Variants in STARD13 observed in about 807,000 individuals in gnomAD.
STARD13 encodes the protein stAR-related lipid transfer protein 13.
Under a neutral mutation model 106.4 loss-of-function variants are expected in STARD13, and 62 were observed. The ratio of observed to expected loss-of-function variants is 0.58; its 90% CI spans 0.48 to 0.72. The LOEUF (loss-of-function observed/expected upper bound fraction) is 0.72. Ranked by LOEUF, STARD13 falls within the 30% of genes least tolerant of loss-of-function variation. STARD13 has a pLI of 0.00. For synonymous variants in STARD13, 565 were observed against 553.0 expected (o/e 1.02, Z -0.31); for missense variants, 1,387 against 1,424.0 (o/e 0.97, Z 0.42).
chr13:33,506,763 G>C, the STARD13 span, among the ~76,000 whole-genome samples: 1 of 152,168 alleles, frequency 6.6e-6, no homozygotes, highest in Non-Finnish European at 1.5e-5. Context: ...ATTACCACTT[G>C]TTGAGTTTTG....
intron 1 of STARD13, among the ~76,000 whole-genome samples, chr13:33,306,069 T>G (rs1168712138): frequency 6.6e-6 from 1 of 152,110 alleles, no homozygotes; most frequent in African/African-American, 2.4e-5. Context: ...CTACCTGACT[T>G]CAAACTATAC....
chr13:33,142,569 T>C (rs1879978986), intron 3 of STARD13, among the ~76,000 whole-genome samples, 196 bp from the exon 4 acceptor site: 1 of 152,194 alleles, frequency 6.6e-6, no homozygotes, highest in South Asian at 2.1e-4. Flanking sequence ...CTGAGAGGAC[T>C]CTACCACTAA....
the STARD13 span, among the ~76,000 whole-genome samples, chr13:33,615,799 G>T: frequency 2.0e-5 from 3 of 152,110 alleles, no homozygotes; most frequent in Middle Eastern, 3.2e-3. Context: ...CTTTCAGTGT[G>T]GTTTGTGTTT....
At chr13:33,579,132 C>T in the STARD13 span, among the ~76,000 whole-genome samples, 1 of 152,068 alleles carries the variant, frequency 6.6e-6, no homozygotes, top group South Asian at 2.1e-4. Context: ...ACCATTTGAC[C>T]CAGAAATCCC....
chr13:33,128,570 G>A (rs576552), intron 5 of STARD13, among the ~76,000 whole-genome samples: 16,618 of 152,144 alleles, frequency 0.11, 1,176 homozygotes, highest in African/African-American at 0.19. Context: ...TTTGATGAAC[G>A]CATCACAGGA....
chr13:33,533,984 T>TA, the STARD13 span, among the ~76,000 whole-genome samples: 1 of 152,220 alleles, frequency 6.6e-6, no homozygotes, highest in Non-Finnish European at 1.5e-5. Context: ...ATACTTACTT[T>TA]ATGTTCATCA....
chr13:33,425,438 T>C, the STARD13 span, among the ~76,000 whole-genome samples: 1 of 152,196 alleles, frequency 6.6e-6, no homozygotes, highest in Non-Finnish European at 1.5e-5. Context: ...CAGGGTGCTC[T>C]TTCTCTCTAA....
In STARD13 at chr13:33,313,860, CTCA is replaced by C. The variant is rs1893231534; in HGVS notation, c.124+36427_124+36429del. ...CTCTTACTTTTGCCTAGCAAAACAA[CTCA>C]TCATCGTCTTTTCCCAAGCATTTAC... is the stretch of plus-strand genomic sequence containing the variant. On this transcript the variant is annotated intron_variant, in intron 1 of 5. Coordinates refer to the STARD13 transcript ENST00000567873. Among the ~76,000 whole-genome samples, 3 of 152,186 alleles carry C rather than the reference CTCA, an allele frequency of 2.0e-5. No individual in the cohort carries two copies. The East Asian group carries it at 5.8e-4, about 29-fold the overall frequency.
chr13:33,454,479 G>A, the STARD13 span, among the ~76,000 whole-genome samples: 1 of 152,078 alleles, frequency 6.6e-6, no homozygotes, highest in Non-Finnish European at 1.5e-5. Context: ...CACTATTTTA[G>A]TTTTGCTTTA....
At chr13:33,618,354 G>A in the STARD13 span, among the ~76,000 whole-genome samples, 1 of 152,194 alleles carries the variant, frequency 6.6e-6, no homozygotes. Flanking sequence ...CATGGAACTT[G>A]CATTTTAGTG....
chr13:33,675,005 G>A, the STARD13 span, among the ~76,000 whole-genome samples: 1 of 152,196 alleles, frequency 6.6e-6, no homozygotes, highest in South Asian at 2.1e-4. Flanking sequence ...CAAGCCCACT[G>A]CTATTCTTCA....
the STARD13 span, among the ~76,000 whole-genome samples, chr13:33,659,515 A>G: frequency 6.6e-6 from 1 of 152,170 alleles, no homozygotes; most frequent in Non-Finnish European, 1.5e-5. Flanking sequence ...CTCCCAGCCA[A>G]CCTGTGGCTT....
the STARD13 span, among the ~76,000 whole-genome samples, chr13:33,496,543 T>C: frequency 6.6e-6 from 1 of 152,026 alleles, no homozygotes; most frequent in Non-Finnish European, 1.5e-5. Flanking sequence ...TTCTTATACA[T>C]GTTATAAAAA....
the STARD13 span, among the ~76,000 whole-genome samples, chr13:33,381,393 C>T: frequency 6.6e-6 from 1 of 152,158 alleles, no homozygotes; most frequent in South Asian, 2.1e-4. Flanking sequence ...TGGGCACATA[C>T]ATTACATATT....
intron 3 of STARD13, among the ~76,000 whole-genome samples, chr13:33,146,403 G>T (rs923969258): frequency 1.3e-5 from 2 of 152,150 alleles, no homozygotes; most frequent in African/African-American, 4.8e-5. Context: ...AGGATCACTT[G>T]AGCCTGGGAG....
the STARD13 span, among the ~76,000 whole-genome samples, chr13:33,598,466 A>G: frequency 1.2e-3 from 184 of 152,268 alleles, 3 homozygotes; most frequent in East Asian, 0.032. Flanking sequence ...TTAAGACTAT[A>G]TTTTATTACA....
At chr13:33,259,747 T>C (rs1890543363) in intron 1 of STARD13, among the ~76,000 whole-genome samples, 1 of 152,122 alleles carries the variant, frequency 6.6e-6, no homozygotes, top group African/African-American at 2.4e-5. Flanking sequence ...AATTAAAAGC[T>C]CAACTTATAT....
At chr13:33,443,144 C>T in the STARD13 span, among the ~76,000 whole-genome samples, 25 of 151,960 alleles carry the variant, frequency 1.6e-4, 1 homozygote, top group East Asian at 5.8e-4. Context: ...TTTGGGAGGA[C>T]GAGGCGGGCG....
At chr13:33,499,923 C>T in the STARD13 span, among the ~76,000 whole-genome samples, 5,222 of 151,744 alleles carry the variant, frequency 0.034, 290 homozygotes, top group African/African-American at 0.12. Context: ...TGCTGCTGTG[C>T]CCAGCAAATT....
Sources: gnomAD v4.1 joint callset for allele counts (sites outside exome capture counted in the v4.1 genomes callset) on GRCh38, gnomAD v4.1.1 for gene constraint, MANE v1.5 for transcripts, NCBI Gene and HGNC (gene_info 2026-07-23, HGNC 2026-07-21) for gene names.